CAMTA1: variants seen among roughly 807,000 people sequenced by gnomAD.
CAMTA1 encodes the protein calmodulin-binding transcription activator 1.
Under a neutral mutation model 170.9 loss-of-function variants are expected in CAMTA1, and 27 were observed. That is an observed-to-expected ratio of 0.16 (90% CI 0.12 to 0.22). The LOEUF (loss-of-function observed/expected upper bound fraction) is 0.22, where lower values mean the gene tolerates loss of function less well. CAMTA1 is among the 10% of genes least tolerant of loss of function. The probability of loss-of-function intolerance (pLI) is 1.00; values close to 1 mark genes in which losing one functional copy is unlikely to be tolerated. For missense variants in CAMTA1, 1,619 were observed against 2,217.2 expected (o/e 0.73, Z 5.42); for synonymous variants, 833 against 891.5 (o/e 0.93, Z 1.17).
intron 6 of CAMTA1, among the ~76,000 whole-genome samples, chr1:7,631,084 A>G (rs2095666002): frequency 6.6e-6 from 1 of 152,072 alleles, no homozygotes; most frequent in Non-Finnish European, 1.5e-5. Context: ...TGCACACCCC[A>G]CAGAGGGTGT....
chr1:7,402,508 G>A (rs561730833), intron 5 of CAMTA1, among the ~76,000 whole-genome samples: 3 of 152,166 alleles, frequency 2.0e-5, no homozygotes, highest in Non-Finnish European at 4.4e-5. Context: ...AAATATGAAC[G>A]TGAGGAGGGC....
At chr1:7,755,487 A>G in intron 21 of CAMTA1, 151 bp from the exon 22 acceptor site, 1 of 641,918 alleles carries the variant, frequency 1.6e-6, no homozygotes, top group Non-Finnish European at 2.8e-6. Context: ...TTACCTACTC[A>G]TTTCACGTAC....
chr1:7,663,838 C>T lies in CAMTA1; in HGVS notation c.1291C>T (p.Leu431Phe). The change falls in exon 9 of 23, where the codon CTC becomes TTC. Residue 431 changes from leucine (L) to phenylalanine (F), a missense_variant. Around this residue, in one of 8 missense-constraint regions of CAMTA1, gnomAD observed 731 missense variants for 907.6 expected, o/e 0.81. Transcript: ENST00000303635. ...CCTCTCACCTGACGCCTCTCAGGGC[C>T]TCGTCCTGGCCGTGAGCTCTGATGG... ...HLLSPDASQGLVLAVSSDGHK... is the reference protein window; with the variant it reads ...HLLSPDASQGFVLAVSSDGHK... 1 of 1,614,132 alleles carries T rather than the reference C, an allele frequency of 6.2e-7. No individual in the cohort carries two copies. Among genetic ancestry groups the T allele is most frequent in the Non-Finnish European group, 8.5e-7 (1 of 1,180,040 alleles).
chr1:6,903,996 T>C (rs1337004735), intron 3 of CAMTA1, among the ~76,000 whole-genome samples: 1 of 151,860 alleles, frequency 6.6e-6, no homozygotes, highest in Non-Finnish European at 1.5e-5. Context: ...TTCCTCTCTC[T>C]TGAGTTCAAA....
At chr1:7,726,190 A>G (rs1327056309) in intron 11 of CAMTA1, among the ~76,000 whole-genome samples, 2 of 151,906 alleles carry the variant, frequency 1.3e-5, no homozygotes, top group Non-Finnish European at 2.9e-5. Flanking sequence ...ATTTTGTATC[A>G]TTTGATACTT....
intron 5 of CAMTA1, among the ~76,000 whole-genome samples, chr1:7,250,913 G>A (rs554120291): frequency 1.3e-5 from 2 of 152,336 alleles, no homozygotes; most frequent in South Asian, 2.1e-4. Context: ...GCACCTCTAG[G>A]ACGGTGACCG....
intron 3 of CAMTA1, among the ~76,000 whole-genome samples, chr1:6,992,417 C>T (rs974027033): frequency 4.6e-5 from 7 of 152,166 alleles, no homozygotes; most frequent in African/African-American, 1.4e-4. Flanking sequence ...CTTTCCATGC[C>T]TTCTCTAAGA....
intron 5 of CAMTA1, among the ~76,000 whole-genome samples, chr1:7,419,948 C>T (rs1213304103): frequency 6.6e-6 from 1 of 152,152 alleles, no homozygotes; most frequent in Non-Finnish European, 1.5e-5. Flanking sequence ...ACCATCCCGC[C>T]CTCCATCCTG....
At chr1:7,427,165 C>T (rs1324535330) in intron 5 of CAMTA1, among the ~76,000 whole-genome samples, 2 of 152,146 alleles carry the variant, frequency 1.3e-5, no homozygotes, top group Non-Finnish European at 2.9e-5. Context: ...TGAAAATGAG[C>T]TTGGCCATCT....
At chr1:7,255,661 A>C (rs1334076767) in intron 5 of CAMTA1, among the ~76,000 whole-genome samples, 1 of 152,126 alleles carries the variant, frequency 6.6e-6, no homozygotes, top group Non-Finnish European at 1.5e-5. Flanking sequence ...TCGAGTATTT[A>C]TTTTCTCCCT....
chr1:7,503,078 G>T (rs1007299914), intron 6 of CAMTA1, among the ~76,000 whole-genome samples: 3 of 152,208 alleles, frequency 2.0e-5, no homozygotes, highest in African/African-American at 7.2e-5. Context: ...GGACAATGGG[G>T]TGGGCGTGTC....
At chr1:7,257,287 A>G (rs567676946) in intron 5 of CAMTA1, among the ~76,000 whole-genome samples, 35 of 152,178 alleles carry the variant, frequency 2.3e-4, no homozygotes, top group Non-Finnish European at 3.1e-4. Context: ...CCTATCAGGT[A>G]GATACTATTG....
chr1:6,833,970 C>T (rs993155596), intron 3 of CAMTA1, among the ~76,000 whole-genome samples: 3 of 152,110 alleles, frequency 2.0e-5, no homozygotes, highest in African/African-American at 4.8e-5. Context: ...TTGGCTCTGC[C>T]GCTACTCAGC....
chr1:6,889,248 T>G (rs898760525), intron 3 of CAMTA1, among the ~76,000 whole-genome samples: 2 of 152,238 alleles, frequency 1.3e-5, no homozygotes, highest in Non-Finnish European at 2.9e-5. Context: ...TTATTTTGAT[T>G]ATATAATCTT....
At chr1:7,747,279 G>A (rs1003462888) in intron 18 of CAMTA1, among the ~76,000 whole-genome samples, 2 of 152,252 alleles carry the variant, frequency 1.3e-5, no homozygotes, top group African/African-American at 2.4e-5. Context: ...AGCTTTTTCT[G>A]TGTGCATTTT....
chr1:7,729,114 C>CTTTTTTTTT (rs146252158), intron 11 of CAMTA1, among the ~76,000 whole-genome samples: 6 of 142,280 alleles, frequency 4.2e-5, no homozygotes, highest in Non-Finnish European at 4.6e-5. Context: ...TATGAGGAAT[C>CTTTTTTTTT]TTTTTTTTTC....
intron 9 of CAMTA1, among the ~76,000 whole-genome samples, chr1:7,668,431 A>ACACACC (rs1553241621): frequency 8.1e-6 from 1 of 123,162 alleles, no homozygotes; most frequent in Admixed American, 1.0e-4. Context: ...ACACACACAC[A>ACACACC]CCCACCACAC....
At chr1:7,138,781 T>C (rs1645694546) in intron 4 of CAMTA1, among the ~76,000 whole-genome samples, 1 of 152,034 alleles carries the variant, frequency 6.6e-6, no homozygotes, top group Admixed American at 6.6e-5. Context: ...GATCATTTGA[T>C]GTCAGGAGTT....
chr1:7,498,880 G>A (rs2093898796), intron 6 of CAMTA1, among the ~76,000 whole-genome samples: 2 of 150,754 alleles, frequency 1.3e-5, no homozygotes, highest in Admixed American at 1.3e-4. Context: ...GAGTGAGTGT[G>A]TAGAGAGGAT....
Sources: gnomAD v4.1 joint callset for allele counts (sites outside exome capture counted in the v4.1 genomes callset) on GRCh38, gnomAD v4.1.1 for gene constraint, gnomAD v4.1.1 regional missense constraint, MANE v1.5 for transcripts, NCBI Gene and HGNC (gene_info 2026-07-23, HGNC 2026-07-21) for gene names.